CFHR2: variants seen among roughly 807,000 people sequenced by gnomAD.
The protein encoded by CFHR2 is complement factor H related 2.
CFHR2 carries 22 observed loss-of-function variants against 21.7 expected under a neutral mutation model. That is an observed-to-expected ratio of 1.01 (90% confidence interval 0.72 to 1.45). The LOEUF (loss-of-function observed/expected upper bound fraction) is 1.45, where lower values mean the gene tolerates loss of function less well. Ranked by LOEUF, CFHR2 falls within the 40% of genes most tolerant of loss-of-function variation. The probability of loss-of-function intolerance (pLI) is 0.00; values close to 1 mark genes in which losing one functional copy is unlikely to be tolerated. For synonymous variants in CFHR2, 98 were observed against 97.4 expected (o/e 1.01, Z -0.04); for missense variants, 294 against 293.3 (o/e 1.00, Z -0.02).
intron 3 of CFHR2, among the ~76,000 whole-genome samples, chr1:196,951,247 A>G (rs1221731758): frequency 6.6e-6 from 1 of 152,176 alleles, no homozygotes; most frequent in East Asian, 1.9e-4. Context: ...AAAATATTAG[A>G]CAAGAATACA....
intron 3 of CFHR2, among the ~76,000 whole-genome samples, chr1:196,952,658 T>G (rs1383557920): frequency 1.3e-5 from 2 of 152,202 alleles, no homozygotes; most frequent in East Asian, 3.8e-4. Context: ...TTGTTAGGCT[T>G]TGATTAAGTC....
intron 2 of CFHR2, among the ~76,000 whole-genome samples, chr1:196,950,146 A>C (rs903007836): frequency 2.0e-5 from 3 of 152,214 alleles, no homozygotes; most frequent in Non-Finnish European, 2.9e-5. Context: ...GTATATTAAA[A>C]GAGAAAACAA....
chr1:196,951,841 GCA>G (rs1159032053), intron 3 of CFHR2, among the ~76,000 whole-genome samples: 1 of 152,066 alleles, frequency 6.6e-6, no homozygotes, highest in African/African-American at 2.4e-5. Context: ...CTCCCTCACA[GCA>G]CAGAGTCTAG....
intron 3 of CFHR2, among the ~76,000 whole-genome samples, chr1:196,951,781 C>A (rs1659736773): frequency 6.6e-6 from 1 of 152,150 alleles, no homozygotes; most frequent in Non-Finnish European, 1.5e-5. Context: ...GTCTCCAAGA[C>A]TGACATTATT....
intron 1 of CFHR2, among the ~76,000 whole-genome samples, chr1:196,946,654 C>T (rs1659502516): frequency 6.6e-6 from 1 of 152,172 alleles, no homozygotes; most frequent in Non-Finnish European, 1.5e-5. Context: ...TCTTCCTCCG[C>T]TCTTGTCCCA....
At position 196,950,942 on chromosome 1, in the gene CFHR2, A is replaced by T. The variant is rs763698084; in HGVS notation, c.344A>T (p.Asn115Ile). 2 of 1,614,144 alleles carry T rather than the reference A, an allele frequency of 1.2e-6. No homozygotes were observed. The highest frequency in any genetic ancestry group is 4.5e-5 in the East Asian group (2 of 44,876). ...LEGDTVQIIC[N>I]TGYRLQNNEN... Reference sequence around the variant, plus strand: ...GGTGATACTGTACAAATTATTTGCAACACAGGATACAGACTTCAAAACAAT... The same window carrying T: ...GGTGATACTGTACAAATTATTTGCATCACAGGATACAGACTTCAAAACAAT... The change falls in exon 3 of 5, where the codon AAC (asparagine) becomes ATC (isoleucine). Residue 115 changes from asparagine to isoleucine, a missense_variant. Coordinates refer to ENST00000367415, the MANE Select transcript of CFHR2 (RefSeq NM_005666.4).
At chr1:196,946,908 G>A (rs1400454209) in intron 1 of CFHR2, among the ~76,000 whole-genome samples, 4 of 152,240 alleles carry the variant, frequency 2.6e-5, no homozygotes, top group East Asian at 1.9e-4. Context: ...ACAAAATTGT[G>A]TGTGGCATAT....
intron 1 of CFHR2, among the ~76,000 whole-genome samples, chr1:196,947,042 A>C (rs1173496595): frequency 6.6e-6 from 1 of 152,132 alleles, no homozygotes; most frequent in African/African-American, 2.4e-5. Context: ...GCTACACTAT[A>C]ATCTTATGGG....
intron 3 of CFHR2, among the ~76,000 whole-genome samples, chr1:196,956,281 T>G (rs1652875758): frequency 1.3e-5 from 2 of 152,212 alleles, no homozygotes; most frequent in African/African-American, 4.8e-5. Flanking sequence ...TATCATTCCC[T>G]TCTTGTATTT....
At chr1:196,946,848 C>T (rs1266074126) in intron 1 of CFHR2, among the ~76,000 whole-genome samples, 2 of 152,140 alleles carry the variant, frequency 1.3e-5, no homozygotes, top group East Asian at 3.8e-4. Context: ...ATATGAAATA[C>T]ATTAACCAGT....
intron 3 of CFHR2, among the ~76,000 whole-genome samples, chr1:196,957,454 CT>C (rs67866095): frequency 0.1 from 15,472 of 151,470 alleles, 841 homozygotes; most frequent in South Asian, 0.14. Context: ...CAGCAATTCC[CT>C]TTTAGTTTCT....
chr1:196,949,482 A>C lies in CFHR2; in HGVS notation c.86A>C (p.Asn29Thr). Residue 29 changes from asparagine (N) to threonine (T), a missense_variant, in exon 2 of 5, where the codon AAC becomes ACC. Transcript: ENST00000367415. ...EAMFCDFPKI[N>T]HGILYDEEKY... ...ATGTTCTGTGATTTTCCAAAAATAA[A>C]CCATGGAATTCTATATGATGAAGAA... The C allele has an allele frequency of 6.2e-7, 1 of 1,613,432 alleles. No homozygotes were observed. The highest frequency in any genetic ancestry group is 8.5e-7 in the Non-Finnish European group (1 of 1,179,772).
chr1:196,947,103 G>A (rs1372898380), intron 1 of CFHR2, among the ~76,000 whole-genome samples: 3 of 151,898 alleles, frequency 2.0e-5, no homozygotes, highest in African/African-American at 7.3e-5. Flanking sequence ...ATTATGTGGT[G>A]AATATCTGTA....
intron 3 of CFHR2, among the ~76,000 whole-genome samples, chr1:196,956,931 T>C (rs1652906268): frequency 6.6e-6 from 1 of 152,102 alleles, no homozygotes; most frequent in Admixed American, 6.5e-5. Context: ...CCCATTTGGC[T>C]TCTGCTGACA....
chr1:196,955,022 A>T lies in CFHR2; in HGVS notation c.431-2869A>T, dbSNP rs748221097. Among the ~76,000 whole-genome samples the T allele has an allele frequency of 9.7e-4, 147 of 152,258 alleles. 2 individuals are homozygous for T. Among genetic ancestry groups the T allele is most frequent in the Non-Finnish European group, 2.2e-4 (15 of 68,046 alleles). On this transcript the variant is annotated intron_variant, in intron 3 of 4. Transcript: ENST00000367415. ...TGTAACTTATGCAAATTTCTGCAGC[A>T]GGATTGAATTACTCCCCAGAATATG... is the stretch of plus-strand genomic sequence containing the variant.
At chr1:196,944,990 C>T (rs867514916) in intron 1 of CFHR2, among the ~76,000 whole-genome samples, 10 of 149,054 alleles carry the variant, frequency 6.7e-5, no homozygotes, top group Admixed American at 2.7e-4. Context: ...AATTCTCCTG[C>T]GTCAGCCTCC....
In CFHR2 at chr1:196,951,012, C is replaced by G. The variant is rs1365222733; in HGVS notation, c.414C>G (p.Pro138=). ...TAGAACGGGGCTGGTCCACTCCTCC[C>G]AAATGCAGGTCCACTAGTAAGTGCA... ...SCVERGWSTP[P]KCRSTISAEK... Residue 138 remains proline (P), a synonymous_variant, in exon 3 of 5, where the codon CCC becomes CCG. Coordinates refer to ENST00000367415, the MANE Select transcript of CFHR2 (RefSeq NM_005666.4). 1 of 1,613,436 alleles carries G rather than the reference C, an allele frequency of 6.2e-7. No individual in the cohort carries two copies. Among genetic ancestry groups the G allele is most frequent in the African/African-American group, 1.3e-5 (1 of 74,728 alleles).
At chr1:196,958,801 T>A in intron 4 of CFHR2, 80 bp from the exon 5 acceptor site, 2 of 888,520 alleles carry the variant, frequency 2.3e-6, no homozygotes, top group East Asian at 2.6e-5. Flanking sequence ...AACCATCATA[T>A]AACATTCTAC....
chr1:196,958,105 AAAAATC>A (rs1652968355), intron 4 of CFHR2, 32 bp downstream of exon 4: 5 of 1,595,332 alleles, frequency 3.1e-6, no homozygotes, highest in Non-Finnish European at 3.4e-6. Context: ...TGGATTCTGG[AAAAATC>A]AGTGTGATGA....
Sources: gnomAD v4.1 joint callset for allele counts (sites outside exome capture counted in the v4.1 genomes callset) on GRCh38, gnomAD v4.1.1 for gene constraint, MANE v1.5 for transcripts, NCBI Gene and HGNC (gene_info 2026-07-23, HGNC 2026-07-21) for gene names.